Variants in NDST1 observed in about 807,000 individuals in gnomAD.
NDST1 encodes the protein bifunctional heparan sulfate N-deacetylase/N-sulfotransferase 1.
Under a neutral mutation model 92.8 loss-of-function variants are expected in NDST1, and 35 were observed. That is an observed-to-expected ratio of 0.38 (90% CI 0.29 to 0.50). The LOEUF is 0.50. Among genes scored for constraint, NDST1 ranks in the 20% least tolerant of loss-of-function variants. The pLI is 0.94. For missense variants in NDST1, 822 were observed against 1,182.7 expected, an observed-to-expected ratio of 0.69 and a Z score of 4.47; for synonymous variants, 493 against 500.3, an observed-to-expected ratio of 0.99 and a Z score of 0.19.
intron 5 of NDST1, 127 bp from the exon 6 acceptor site, chr5:150,535,573 T>C (rs1228838866): frequency 7.8e-7 from 1 of 1,276,230 alleles, no homozygotes; most frequent in South Asian, 1.3e-5. Context: ...CATCTTACCA[T>C]GAAGTCTCAG....
At chr5:150,507,022 G>C (rs964251615), upstream of NDST1, among the ~76,000 whole-genome samples, 3 of 152,212 alleles carry the variant, frequency 2.0e-5, no homozygotes, top group Non-Finnish European at 2.9e-5. Context: ...CCAAGGCTCT[G>C]GCATCTTCCA....
intron 1 of NDST1, among the ~76,000 whole-genome samples, chr5:150,513,818 C>G (rs1299546462): frequency 4.6e-5 from 7 of 152,226 alleles, no homozygotes; most frequent in Admixed American, 4.6e-4. Flanking sequence ...ACCTCTGCCC[C>G]TTTTCTCTTA....
rs1360324160 is a variant in NDST1, at chr5:150,535,838, C to G, written c.1390C>G (p.Leu464Val). The G allele has an allele frequency of 6.2e-7, 1 of 1,613,978 alleles. No individual in the cohort carries two copies. Among genetic ancestry groups the G allele is most frequent in the Non-Finnish European group, 8.5e-7 (1 of 1,180,012 alleles). The change falls in exon 6 of 15, where the codon CTG (leucine) becomes GTG (valine). Residue 464 changes from leucine to valine, a missense_variant. By Grantham distance (32) the Leu-to-Val change is conservative. Transcript: ENST00000261797. ...RVTSTEEYPH[L>V]KPARYRRGFI... ...GACCAGCACGGAGGAGTACCCCCAC[C>G]TGAAGCCAGCCCGCTACCGCCGTGG...
upstream of NDST1, among the ~76,000 whole-genome samples, chr5:150,506,441 T>A (rs1400668656): frequency 1.3e-5 from 2 of 152,244 alleles, no homozygotes; most frequent in East Asian, 3.9e-4. Context: ...AAAAGGCTCC[T>A]CGCGGGCCTC....
chr5:150,553,177 C>T lies in NDST1; in HGVS notation c.2530-36C>T. On this transcript the variant is annotated intron_variant, in intron 14 of 14. Coordinates refer to ENST00000261797, the MANE Select transcript of NDST1 (RefSeq NM_001543.5). The surrounding 1 kb of genome is among the most constrained non-coding windows in gnomAD (Gnocchi z 4.2). ...TTTTTAGAGGAGGTCACTCTTAAGT[C>T]AGTACACAAGGTCTGAGCTTTCCTT... 1 of 1,606,126 alleles carries T rather than the reference C, an allele frequency of 6.2e-7. No homozygotes were observed. Among genetic ancestry groups the T allele is most frequent in the Non-Finnish European group, 8.5e-7 (1 of 1,174,704 alleles).
intron 6 of NDST1, 57 bp downstream of exon 6, chr5:150,535,942 G>A (rs879304175): frequency 1.4e-5 from 22 of 1,565,348 alleles, no homozygotes; most frequent in Non-Finnish European, 1.9e-5. Context: ...AGTCTGTCAT[G>A]TGTGTGCATA....
At chr5:150,551,239 C>T (rs914173527) in intron 13 of NDST1, among the ~76,000 whole-genome samples, 1 of 152,046 alleles carries the variant, frequency 6.6e-6, no homozygotes, top group African/African-American at 2.4e-5. Flanking sequence ...GAAGTTTACT[C>T]CAAAAAATGA....
rs1561613172 is a variant in NDST1 at position 150,555,565 on chromosome 5, G to A, written c.*2233G>A. 1 of 152,348 alleles carries A rather than the reference G, an allele frequency of 6.6e-6. No individual in the cohort carries two copies. Among genetic ancestry groups the A allele is most frequent in the African/African-American group, 2.4e-5 (1 of 41,460 alleles). The allele number at this position is 152,348 out of a possible 1,614,324, so 9.4% of individuals were successfully genotyped here. On this transcript the variant is annotated 3_prime_UTR_variant, in exon 15 of 15. Coordinates refer to ENST00000261797, the MANE Select transcript of NDST1 (RefSeq NM_001543.5). ...TGAGGACAGGGTGGCATGTCTGCTT[G>A]TGTGCTCATGAAGACATGCCCACGC...
exon 1 of NDST1, chr5:150,498,211 A>T (rs57772388): frequency 0.12 from 18,929 of 151,832 alleles, 1,515 homozygotes; most frequent in East Asian, 0.28. Context: ...CTGAGCTGGC[A>T]CCTCCACTTA....
At chr5:150,505,520 G>A (rs1753411439), upstream of NDST1, among the ~76,000 whole-genome samples, 1 of 152,150 alleles carries the variant, frequency 6.6e-6, no homozygotes, top group African/African-American at 2.4e-5. Flanking sequence ...CCATGATCAA[G>A]TAGAGGCCAA....
chr5:150,541,494 C>T lies in NDST1; in HGVS notation c.1750-76C>T. On this transcript the variant is annotated intron_variant, in intron 8 of 14. Transcript: ENST00000261797. ...ATCATGCCCATTGGGCTGTAAGGGC[C>T]ACATATCCATGTGCAGTGGGAGTCC... 13 of 1,297,798 alleles carry T rather than the reference C, an allele frequency of 1.0e-5. 1 individual carries two copies. In the South Asian group the frequency reaches 1.5e-4, roughly 15 times the overall value. 80.4% of individuals were successfully genotyped at this position (1,297,798 alleles called of 1,614,324 possible).
rs112537503 is a variant in NDST1 at position 150,531,097 on chromosome 5, C to T, written c.1009-1848C>T. Reference sequence around the variant, plus strand: ...TTTTTTTCTTTAATCCCAAGCACAGCCTACAACAGAGCCCTTCTTTCAGAG... The same window carrying T: ...TTTTTTTCTTTAATCCCAAGCACAGTCTACAACAGAGCCCTTCTTTCAGAG... On this transcript the variant is annotated intron_variant, in intron 3 of 14. Coordinates refer to ENST00000261797, the MANE Select transcript of NDST1 (RefSeq NM_001543.5). 2.5e-3 allele frequency among the ~76,000 whole-genome samples: 386 copies of T among 151,992 alleles called. 2 individuals are homozygous for T. The highest frequency in any genetic ancestry group is 8.5e-3 in the African/African-American group (353 of 41,428).
intron 2 of NDST1, among the ~76,000 whole-genome samples, chr5:150,525,412 T>C (rs986432043): frequency 6.6e-6 from 1 of 152,168 alleles, no homozygotes; most frequent in Non-Finnish European, 1.5e-5. Flanking sequence ...CAGCAGGCGA[T>C]GGACAAGGCC....
chr5:150,521,062 T>C lies in NDST1; in HGVS notation c.-193T>C. 1 of 609,160 alleles carries C rather than the reference T, an allele frequency of 1.6e-6. No homozygotes were observed. Among genetic ancestry groups the C allele is most frequent in the South Asian group, 2.0e-5 (1 of 50,996 alleles). The allele number at this position is 609,160 out of a possible 1,614,324, so 37.7% of individuals were successfully genotyped here. ...GGAAGGAAGGAGCGTGACCAGCCTG[T>C]GGACTGCGCCCCTGGCTGGGAGGAA... On this transcript the variant is annotated 5_prime_UTR_variant, in exon 2 of 15. Coordinates refer to ENST00000261797, the MANE Select transcript of NDST1 (RefSeq NM_001543.5). The surrounding 1 kb of genome is among the most constrained non-coding windows in gnomAD (Gnocchi z 5.9).
chr5:150,524,281 A>G (rs141059418), intron 2 of NDST1, among the ~76,000 whole-genome samples: 9 of 152,358 alleles, frequency 5.9e-5, no homozygotes, highest in African/African-American at 1.9e-4. Flanking sequence ...GAGCCACTCA[A>G]TAGATGGTAG....
rs551359190 is a variant in NDST1, at chr5:150,545,627, G to C, written c.2145+141G>C. ...AGCCAGGCGCCTGGAGCGTGGTGATGGCTGAGAATAGAGTCCTTGGTGGAG... is the reference window on the plus strand; with the variant it reads ...AGCCAGGCGCCTGGAGCGTGGTGATCGCTGAGAATAGAGTCCTTGGTGGAG... On this transcript the variant is annotated intron_variant, in intron 11 of 14. Coordinates refer to ENST00000261797, the MANE Select transcript of NDST1 (RefSeq NM_001543.5). The C allele has an allele frequency of 1.3e-5, 14 of 1,078,672 alleles. No homozygotes were observed. The South Asian group carries it at 2.1e-4, about 16-fold the overall frequency. The allele number at this position is 1,078,672 out of a possible 1,614,324, so 66.8% of individuals were successfully genotyped here. A position where few individuals can be genotyped will look rare whatever the true frequency, so the allele number is the denominator to read the frequency against.
chr5:150,501,047 G>A (rs1753206463), intron 1 of NDST1, among the ~76,000 whole-genome samples: 1 of 152,196 alleles, frequency 6.6e-6, no homozygotes, highest in Non-Finnish European at 1.5e-5. Flanking sequence ...GAAACCGGTT[G>A]GGTGTGCAAA....
chr5:150,551,700 C>A, intron 13 of NDST1, 53 bp from the exon 14 acceptor site: 2 of 1,598,642 alleles, frequency 1.3e-6, no homozygotes, highest in South Asian at 2.2e-5. Context: ...GCTTTAAGGT[C>A]GGAAGTGGGT....
At position 150,541,593 on chromosome 5, in the gene NDST1, C is replaced by T. The variant is rs751995320; in HGVS notation, c.1773C>T (p.His591=). The T allele has an allele frequency of 3.1e-6, 5 of 1,614,214 alleles. No individual in the cohort carries two copies. The South Asian group carries it at 5.5e-5, about 18-fold the overall frequency. The change falls in exon 9 of 15, where the codon CAC becomes CAT. Residue 591 remains histidine (H), a synonymous_variant. Coordinates refer to ENST00000261797, the MANE Select transcript of NDST1 (RefSeq NM_001543.5). ...LWQDPCEDKR[H]KDIWSKEKTC... is the part of the protein sequence containing the mutation. The stretch of plus-strand genomic sequence containing the variant: ...AGGACCCCTGCGAGGACAAACGTCA[C>T]AAAGACATCTGGTCCAAGGAGAAGA...
Sources: allele counts gnomAD v4.1 joint callset (sites outside exome capture counted in the v4.1 genomes callset), GRCh38; gene constraint gnomAD v4.1.1; non-coding constraint Gnocchi (gnomAD v3.1); transcripts MANE v1.5; gene names NCBI Gene and HGNC (gene_info 2026-07-23, HGNC 2026-07-21).